LRRC4C: variants seen among roughly 807,000 people sequenced by gnomAD.
The protein encoded by LRRC4C is leucine rich repeat containing 4C.
In LRRC4C, 5 loss-of-function variants were observed where a neutral mutation model predicts 33.6. The observed-to-expected ratio is 0.15, with a 90% CI of 0.08 to 0.31. The LOEUF is 0.31. Ranked by LOEUF, LRRC4C falls within the 10% of genes least tolerant of loss-of-function variation. The probability of loss-of-function intolerance (pLI) is 1.00; values close to 1 mark genes in which losing one functional copy is unlikely to be tolerated. For missense variants in LRRC4C, 560 were observed against 796.7 expected (o/e 0.70, Z 3.58); for synonymous variants, 329 against 302.0 (o/e 1.09, Z -0.93).
chr11:40,217,735 T>A (rs1417784842), intron 5 of LRRC4C, among the ~76,000 whole-genome samples: 1 of 152,148 alleles, frequency 6.6e-6, no homozygotes, highest in Non-Finnish European at 1.5e-5. Context: ...TCAGCACATA[T>A]TAGGCACCCA....
At chr11:40,133,164 C>A (rs1434411509) in intron 6 of LRRC4C, among the ~76,000 whole-genome samples, 1 of 152,100 alleles carries the variant, frequency 6.6e-6, no homozygotes, top group Non-Finnish European at 1.5e-5. Context: ...CATTAACCCC[C>A]AACTTCTCAT....
chr11:40,590,705 C>T (rs1959003633), intron 3 of LRRC4C, among the ~76,000 whole-genome samples: 1 of 151,826 alleles, frequency 6.6e-6, no homozygotes. Context: ...CAGACAGGAC[C>T]CTCAGCTGCA....
At chr11:40,502,078 G>A (rs940073339) in intron 3 of LRRC4C, among the ~76,000 whole-genome samples, 1 of 152,086 alleles carries the variant, frequency 6.6e-6, no homozygotes, top group Admixed American at 6.5e-5. Context: ...CAGTCTCCTT[G>A]CTACAACATA....
At chr11:40,492,655 G>A (rs981300167) in intron 3 of LRRC4C, among the ~76,000 whole-genome samples, 1 of 151,976 alleles carries the variant, frequency 6.6e-6, no homozygotes, top group Non-Finnish European at 1.5e-5. Flanking sequence ...AATCTTTCTA[G>A]GTAATAGAGT....
chr11:40,196,628 G>A (rs1412621768), intron 5 of LRRC4C, among the ~76,000 whole-genome samples: 1 of 152,148 alleles, frequency 6.6e-6, no homozygotes, highest in Non-Finnish European at 1.5e-5. Flanking sequence ...CATACAATTT[G>A]CATTATTGAG....
intron 1 of LRRC4C, among the ~76,000 whole-genome samples, chr11:41,388,626 T>C (rs1015838175): frequency 1.3e-5 from 2 of 151,700 alleles, no homozygotes; most frequent in Non-Finnish European, 3.0e-5. Flanking sequence ...AGGAAGGCAT[T>C]TGGTAAACTA....
At chr11:40,711,142 C>T (rs190529555) in intron 2 of LRRC4C, among the ~76,000 whole-genome samples, 71 of 152,330 alleles carry the variant, frequency 4.7e-4, no homozygotes, top group African/African-American at 1.4e-3. Flanking sequence ...CGACCCCTTT[C>T]GCTTCCCGGG....
intron 3 of LRRC4C, among the ~76,000 whole-genome samples, chr11:40,415,490 G>T (rs1950294806): frequency 6.6e-6 from 1 of 152,128 alleles, no homozygotes. Context: ...CAATATGTGA[G>T]AGTTCAGTGA....
At chr11:41,116,313 T>C (rs574783815) in intron 1 of LRRC4C, among the ~76,000 whole-genome samples, 13 of 152,104 alleles carry the variant, frequency 8.5e-5, no homozygotes, top group Non-Finnish European at 1.6e-4. Flanking sequence ...ACCTAGCTCA[T>C]AGGTTGCAGG....
intron 3 of LRRC4C, among the ~76,000 whole-genome samples, chr11:40,420,237 C>T (rs959531866): frequency 1.3e-5 from 2 of 152,264 alleles, no homozygotes; most frequent in South Asian, 2.1e-4. Context: ...GCTCTGAAAT[C>T]GATCACCACA....
chr11:41,375,512 T>C (rs1425365327), intron 1 of LRRC4C, among the ~76,000 whole-genome samples: 1 of 152,212 alleles, frequency 6.6e-6, no homozygotes, highest in African/African-American at 2.4e-5. Flanking sequence ...TCATTTGCTA[T>C]GACAGCTCAT....
intron 6 of LRRC4C, among the ~76,000 whole-genome samples, chr11:40,123,130 CTT>C (rs1855957954): frequency 6.6e-6 from 1 of 152,002 alleles, no homozygotes; most frequent in Non-Finnish European, 1.5e-5. Context: ...CATATGATCT[CTT>C]GTTGCAACTA....
rs1307686891 is a variant in LRRC4C at position 41,182,845 on chromosome 11, A to AT, written c.-495-249123dup. Among the ~76,000 whole-genome samples the AT allele has an allele frequency of 4.1e-5, 3 of 73,316 alleles. No individual in the cohort carries two copies. In the East Asian group the frequency reaches 1.5e-3, roughly 35 times the overall value. The allele number at this position is 73,316 out of a possible 152,430, so 48.1% of individuals were successfully genotyped here. A position where few individuals can be genotyped will look rare whatever the true frequency, so the allele number is the denominator to read the frequency against. On this transcript the variant is annotated intron_variant, in intron 1 of 6. Coordinates refer to ENST00000528697, the MANE Select transcript of LRRC4C (RefSeq NM_001258419.2). Reference sequence around the variant, plus strand: ...ATAAATACATACCCAAGACTGGGCAATTTAAAAAAAAAAAAAAAGGTTTAA... The same window carrying AT: ...ATAAATACATACCCAAGACTGGGCAATTTTAAAAAAAAAAAAAAAGGTTTAA...
intron 3 of LRRC4C, among the ~76,000 whole-genome samples, chr11:40,332,473 T>G (rs938301181): frequency 2.0e-5 from 3 of 152,218 alleles, no homozygotes; most frequent in Admixed American, 6.5e-5. Flanking sequence ...GCAAAGACTC[T>G]GTTTTCAAAT....
chr11:40,644,282 G>A (rs1031319253), intron 3 of LRRC4C, among the ~76,000 whole-genome samples: 5 of 152,096 alleles, frequency 3.3e-5, no homozygotes, highest in Non-Finnish European at 7.4e-5. Flanking sequence ...AAAATCTTTT[G>A]TTCTGTAAAA....
At chr11:40,754,140 CTT>C (rs1396697716) in intron 2 of LRRC4C, among the ~76,000 whole-genome samples, 2 of 151,936 alleles carry the variant, frequency 1.3e-5, no homozygotes, top group Admixed American at 1.3e-4. Flanking sequence ...TTACATATCT[CTT>C]TTTAATTTTC....
chr11:41,020,199 C>T (rs901117591), intron 1 of LRRC4C, among the ~76,000 whole-genome samples: 5 of 152,100 alleles, frequency 3.3e-5, no homozygotes. Flanking sequence ...CAAAATATGT[C>T]TGATCACAGA....
intron 2 of LRRC4C, among the ~76,000 whole-genome samples, chr11:40,905,478 T>C (rs1429620458): frequency 6.6e-6 from 1 of 152,068 alleles, no homozygotes; most frequent in Non-Finnish European, 1.5e-5. Context: ...AAATGGTTTC[T>C]TCTGAGCACA....
chr11:40,772,337 T>G (rs1949793593), intron 2 of LRRC4C, among the ~76,000 whole-genome samples: 1 of 152,176 alleles, frequency 6.6e-6, no homozygotes, highest in South Asian at 2.1e-4. Context: ...TCCCAAGATC[T>G]AATTACTTCC....
Sources: allele counts gnomAD v4.1 joint callset (sites outside exome capture counted in the v4.1 genomes callset), GRCh38; gene constraint gnomAD v4.1.1; transcripts MANE v1.5; gene names NCBI Gene and HGNC (gene_info 2026-07-23, HGNC 2026-07-21).